Variants in GP2 observed in about 807,000 individuals in gnomAD.
GP2 encodes the protein glycoprotein 2.
A neutral mutation model predicts 60.8 loss-of-function variants in GP2; 58 were observed. The ratio of observed to expected loss-of-function variants is 0.95; its 90% CI spans 0.77 to 1.19. GP2 has a LOEUF of 1.19. GP2 is among the 50% of genes most tolerant of loss of function. The pLI, the probability that GP2 is intolerant of heterozygous loss-of-function variation, is 0.00. For synonymous variants in GP2, 280 were observed against 253.4 expected (o/e 1.10, Z -1.00); for missense variants, 647 against 667.4 (o/e 0.97, Z 0.34).
rs549192706 is a variant in GP2, at chr16:20,318,560, G to A, written c.1008-130C>T. 100 of 779,840 alleles carry A rather than the reference G, an allele frequency of 1.3e-4. 1 individual carries two copies. Among genetic ancestry groups the A allele is most frequent in the Middle Eastern group, 1.1e-3 (3 of 2,746 alleles). 48.3% of individuals were successfully genotyped at this position (779,840 alleles called of 1,614,324 possible). A position where few individuals can be genotyped will look rare whatever the true frequency, so the allele number is the denominator to read the frequency against. On this transcript the variant is annotated intron_variant, in intron 6 of 10. Transcript: ENST00000302555. Reference sequence around the variant, plus strand: ...CCTTAAGTGAACTAGTCAATCAGTCGTTTAAACTGAGCATTTATTAGCTTC... The same window carrying A: ...CCTTAAGTGAACTAGTCAATCAGTCATTTAAACTGAGCATTTATTAGCTTC...
intron 10 of GP2, among the ~76,000 whole-genome samples, chr16:20,312,859 AG>A (rs911713364): frequency 6.6e-6 from 1 of 152,112 alleles, no homozygotes; most frequent in African/African-American, 2.4e-5. Context: ...CATGTTGGTC[AG>A]GCTGGTCTCG....
chr16:20,315,911 C>T, intron 9 of GP2, 45 bp downstream of exon 9: 1 of 1,226,164 alleles, frequency 8.2e-7, no homozygotes, highest in Non-Finnish European at 1.2e-6. Flanking sequence ...GGTTAACTGT[C>T]AACACTCAGC....
At chr16:20,313,797 C>G (rs1211269945) in intron 10 of GP2, among the ~76,000 whole-genome samples, 1 of 152,180 alleles carries the variant, frequency 6.6e-6, no homozygotes, top group Non-Finnish European at 1.5e-5. Flanking sequence ...TCTTTTAACA[C>G]TCATTGGCTT....
At chr16:20,316,348 C>T (rs2141596325) in intron 8 of GP2, among the ~76,000 whole-genome samples, 1 of 152,308 alleles carries the variant, frequency 6.6e-6, no homozygotes, top group Non-Finnish European at 1.5e-5. Context: ...GATGTGTCTG[C>T]AACACATGGG....
Position 20,312,637 on chromosome 16 carries a change from G to A in GP2, c.1547-1356C>T, listed in dbSNP as rs192979355. Among the ~76,000 whole-genome samples the A allele has an allele frequency of 4.0e-5, 6 of 151,576 alleles. No homozygotes were observed. The South Asian group carries it at 8.3e-4, about 21-fold the overall frequency. On this transcript the variant is annotated intron_variant, in intron 10 of 10. Coordinates refer to ENST00000302555, the MANE Select transcript of GP2 (RefSeq NM_001502.4). The stretch of plus-strand genomic sequence containing the variant: ...ACTGGCAGAAAGGAATGAGACTTGA[G>A]GTTCTTGACTTCAAGCTGCTTTTTT...
chr16:20,315,932 T>C (rs753517085), intron 9 of GP2, 24 bp downstream of exon 9: 2 of 1,496,218 alleles, frequency 1.3e-6, no homozygotes, highest in Admixed American at 1.7e-5. Context: ...CAGCTGGTCT[T>C]GTCACTGGGA....
intron 1 of GP2, 105 bp downstream of exon 1, chr16:20,327,362 G>T (rs891135845): frequency 4.0e-6 from 3 of 749,718 alleles, no homozygotes; most frequent in Middle Eastern, 4.3e-4. Flanking sequence ...CAAACTACTT[G>T]CTGGGTTCTA....
At position 20,326,422 on chromosome 16, in the gene GP2, G is replaced by C; in HGVS notation, c.10C>G (p.Leu4Val). The change falls in exon 2 of 11, where the codon CTT becomes GTT. Residue 4 changes from leucine (L) to valine (V), a missense_variant. Coordinates refer to ENST00000302555, the MANE Select transcript of GP2 (RefSeq NM_001502.4). Reference sequence around the variant, plus strand: ...CCAGAGCCCACCATCCTTTCCATAAGGTGAGGCATGCAGGTCACTTTGCTG... The same window carrying C: ...CCAGAGCCCACCATCCTTTCCATAACGTGAGGCATGCAGGTCACTTTGCTG... Reference protein sequence around the residue: MPHLMERMVGSGLL... With the variant: MPHVMERMVGSGLL... 1.2e-6 allele frequency: 2 copies of C among 1,612,860 alleles called. No homozygotes were observed. The highest frequency in any genetic ancestry group is 1.7e-6 in the Non-Finnish European group (2 of 1,178,872).
Position 20,310,332 on chromosome 16 carries a change from G to A in GP2, c.*891C>T, listed in dbSNP as rs1482428211. ...GCATCTAGGTCCCAAGGATGTTTGT[G>A]TAGTTCTCTAAGTCACAGCATGTCT... is the stretch of plus-strand genomic sequence containing the variant. On this transcript the variant is annotated 3_prime_UTR_variant, in exon 11 of 11. Coordinates refer to ENST00000302555, the MANE Select transcript of GP2 (RefSeq NM_001502.4). 6.6e-6 allele frequency: 1 copy of A among 152,266 alleles called. No homozygotes were observed. The highest frequency in any genetic ancestry group is 1.5e-5 in the Non-Finnish European group (1 of 68,088). The allele number at this position is 152,266 out of a possible 1,614,324, so 9.4% of individuals were successfully genotyped here.
Position 20,323,928 on chromosome 16 carries a change from C to G in GP2, c.423G>C (p.Trp141Cys), listed in dbSNP as rs201805318. 1.1e-5 allele frequency: 17 copies of G among 1,614,018 alleles called. No homozygotes were observed. The highest frequency in any genetic ancestry group is 1.4e-5 in the Non-Finnish European group (17 of 1,179,866). Reference sequence around the variant, plus strand: ...TTTTCCAGAAACAGCAGTTGCCACTCCAATGGGCACAGGCAGTGTGGTTGG... The same window carrying G: ...TTTTCCAGAAACAGCAGTTGCCACTGCAATGGGCACAGGCAGTGTGGTTGG... The part of the protein sequence containing the change: ...GITNHTACAH[W>C]SGNCCFWKTE... Residue 141 changes from tryptophan to cysteine, a missense_variant, in exon 3 of 11, where the codon TGG becomes TGC. Physicochemically the swap from Trp to Cys is radical, Grantham distance 215. Coordinates refer to ENST00000302555, the MANE Select transcript of GP2 (RefSeq NM_001502.4).
chr16:20,327,382 A>G, intron 1 of GP2, 85 bp downstream of exon 1: 2 of 1,028,868 alleles, frequency 1.9e-6, no homozygotes, highest in Non-Finnish European at 2.5e-6. Context: ...AAAAATTTCC[A>G]GAAACAAAGA....
intron 3 of GP2, chr16:20,323,485 ACCC>A (rs10555368): frequency 2.5e-5 from 14 of 570,514 alleles, no homozygotes; most frequent in African/African-American, 1.3e-4. Flanking sequence ...TTTTTGCTGT[ACCC>A]CCCCCCCCTT....
chr16:20,316,087 A>G (rs1376770584), intron 8 of GP2, 47 bp from the exon 9 acceptor site: 1 of 1,239,196 alleles, frequency 8.1e-7, no homozygotes, highest in Admixed American at 1.7e-5. Context: ...AAATGCCTGG[A>G]TTCTATCTAG....
At chr16:20,325,401 A>G (rs183161576) in intron 2 of GP2, among the ~76,000 whole-genome samples, 83 of 152,370 alleles carry the variant, frequency 5.4e-4, no homozygotes, top group African/African-American at 1.9e-3. Context: ...CATAGATATC[A>G]TGTGCTAGTT....
intron 2 of GP2, among the ~76,000 whole-genome samples, chr16:20,325,296 A>G (rs974972124): frequency 6.6e-6 from 1 of 152,334 alleles, no homozygotes; most frequent in Middle Eastern, 3.4e-3. Context: ...TTTGTCATAC[A>G]TGTGTTTGCC....
intron 4 of GP2, 35 bp downstream of exon 4, chr16:20,322,834 C>T (rs1310492216): frequency 8.6e-7 from 1 of 1,167,758 alleles, no homozygotes; most frequent in African/African-American, 1.5e-5. Context: ...CCTGCCCCCT[C>T]AGGATGGTAG....
intron 2 of GP2, among the ~76,000 whole-genome samples, chr16:20,325,846 G>A (rs1964516769): frequency 6.6e-6 from 1 of 152,132 alleles, no homozygotes; most frequent in Non-Finnish European, 1.5e-5. Flanking sequence ...TTCTTAGATT[G>A]TATTTTTCCA....
At chr16:20,313,340 T>A (rs1351052350) in intron 10 of GP2, among the ~76,000 whole-genome samples, 1 of 152,104 alleles carries the variant, frequency 6.6e-6, no homozygotes, top group Non-Finnish European at 1.5e-5. Flanking sequence ...TCCAAGTCAT[T>A]CATCAAAACC....
At chr16:20,322,661 C>T (rs185278235) in intron 4 of GP2, among the ~76,000 whole-genome samples, 150 of 152,284 alleles carry the variant, frequency 9.9e-4, no homozygotes, top group African/African-American at 3.6e-3. Flanking sequence ...CACGGCCCAG[C>T]AGCTGACCTG....
Sources: gnomAD v4.1 joint callset for allele counts (sites outside exome capture counted in the v4.1 genomes callset) on GRCh38, gnomAD v4.1.1 for gene constraint, MANE v1.5 for transcripts, NCBI Gene and HGNC (gene_info 2026-07-23, HGNC 2026-07-21) for gene names.